Variants in OSBPL9 observed in about 807,000 individuals in gnomAD.
OSBPL9 encodes the protein oxysterol binding protein like 9, also known as oxysterol-binding protein-related protein 9.
Under a neutral mutation model 106.6 loss-of-function variants are expected in OSBPL9, and 40 were observed. The observed-to-expected ratio is 0.38, with a 90% confidence interval of 0.29 to 0.49. The LOEUF (loss-of-function observed/expected upper bound fraction) is 0.49, where lower values mean the gene tolerates loss of function less well. Ranked by LOEUF, OSBPL9 falls within the 20% of genes least tolerant of loss-of-function variation. The probability of loss-of-function intolerance (pLI) is 0.97; values close to 1 mark genes in which losing one functional copy is unlikely to be tolerated. For missense variants in OSBPL9, 609 were observed against 887.2 expected, an observed-to-expected ratio of 0.69 and a Z score of 3.98; for synonymous variants, 269 against 295.4, an observed-to-expected ratio of 0.91 and a Z score of 0.92.
chr1:51,697,717 T>C (rs1656364080), intron 3 of OSBPL9, among the ~76,000 whole-genome samples: 1 of 151,300 alleles, frequency 6.6e-6, no homozygotes. Context: ...CATATTCTTA[T>C]TCAAATGTGT....
intron 1 of OSBPL9, among the ~76,000 whole-genome samples, chr1:51,579,125 A>T (rs1570527109): frequency 6.7e-6 from 1 of 149,808 alleles, no homozygotes; most frequent in Non-Finnish European, 1.5e-5. Flanking sequence ...GTCCAATTTC[A>T]GCTCACTGCA....
In OSBPL9 at chr1:51,785,823, G is replaced by A. The variant is rs1049507119; in HGVS notation, c.1845G>A (p.Lys615=). The A allele has an allele frequency of 6.2e-7, 1 of 1,609,024 alleles. No individual in the cohort carries two copies. Among genetic ancestry groups the A allele is most frequent in the African/African-American group, 1.3e-5 (1 of 74,542 alleles). ...TTCTGTTCAGTTCTCCAAATGACAAGAAGTCTTTTTGCTCAATTGAAGGGG... is the reference window on the plus strand; with the variant it reads ...TTCTGTTCAGTTCTCCAAATGACAAAAAGTCTTTTTGCTCAATTGAAGGGG... ...ITAEIFSPND[K]KSFCSIEGEW... Residue 615 remains lysine, a synonymous_variant, in exon 21 of 24, where the codon AAG becomes AAA. Transcript: ENST00000428468.
intron 8 of OSBPL9, among the ~76,000 whole-genome samples, chr1:51,755,058 C>T (rs1670037727): frequency 6.6e-6 from 1 of 152,108 alleles, no homozygotes; most frequent in Non-Finnish European, 1.5e-5. Context: ...TCTCCGTCCT[C>T]GGCCTTCCAA....
intron 1 of OSBPL9, among the ~76,000 whole-genome samples, chr1:51,621,125 G>A (rs1196294551): frequency 2.6e-5 from 4 of 152,198 alleles, no homozygotes; most frequent in African/African-American, 9.7e-5. Flanking sequence ...GGCCAGTCTT[G>A]TTTTATTAGT....
chr1:51,726,943 A>T (rs1488576136), intron 4 of OSBPL9, among the ~76,000 whole-genome samples: 4 of 152,210 alleles, frequency 2.6e-5, no homozygotes, highest in African/African-American at 9.7e-5. Context: ...CTAACTTTAC[A>T]CTAAGATTAG....
intron 16 of OSBPL9, chr1:51,781,670 A>T: frequency 4.8e-6 from 1 of 209,626 alleles, no homozygotes. Context: ...AAGCATGAAG[A>T]CCATTGTGGA....
At chr1:51,745,225 C>G in intron 4 of OSBPL9, 4 of 241,988 alleles carry the variant, frequency 1.7e-5, no homozygotes, top group Non-Finnish European at 3.2e-5. Flanking sequence ...TACTGTTGTT[C>G]TAGTGGTGAC....
At chr1:51,575,719 C>T (rs1425932213), upstream of OSBPL9, among the ~76,000 whole-genome samples, 3 of 152,030 alleles carry the variant, frequency 2.0e-5, no homozygotes, top group Non-Finnish European at 4.4e-5. Context: ...TCTTCCATAT[C>T]GACTATTTTG....
At chr1:51,583,970 T>C (rs891984317) in intron 1 of OSBPL9, among the ~76,000 whole-genome samples, 1 of 152,008 alleles carries the variant, frequency 6.6e-6, no homozygotes, top group African/African-American at 2.4e-5. Flanking sequence ...CCATTAGCCC[T>C]CCCCCATACC....
At chr1:51,521,816 G>A in the OSBPL9 span, among the ~76,000 whole-genome samples, 32 of 152,138 alleles carry the variant, frequency 2.1e-4, no homozygotes, top group African/African-American at 7.2e-4. Flanking sequence ...GGAGTGCAAC[G>A]GTGCAATCTC....
At chr1:51,622,490 C>T (rs886068700) in intron 1 of OSBPL9, among the ~76,000 whole-genome samples, 2 of 152,162 alleles carry the variant, frequency 1.3e-5, no homozygotes, top group Non-Finnish European at 2.9e-5. Context: ...TTTCGTGGGT[C>T]AGAACTTTGA....
intron 4 of OSBPL9, among the ~76,000 whole-genome samples, chr1:51,716,874 T>A (rs1005443681): frequency 3.3e-5 from 5 of 151,698 alleles, no homozygotes; most frequent in African/African-American, 1.2e-4. Context: ...TTGCTTTTTT[T>A]AAAAAAAAAT....
chr1:51,586,772 A>G (rs1304916110), intron 1 of OSBPL9, among the ~76,000 whole-genome samples: 1 of 152,166 alleles, frequency 6.6e-6, no homozygotes, highest in African/African-American at 2.4e-5. Context: ...GGCTGGTCCC[A>G]GGGCTGTGGT....
intron 2 of OSBPL9, among the ~76,000 whole-genome samples, chr1:51,652,699 G>GTA (rs1485989069): frequency 6.6e-6 from 1 of 152,192 alleles, no homozygotes; most frequent in Non-Finnish European, 1.5e-5. Flanking sequence ...AGGACTAGCT[G>GTA]TACTTCAGAG....
chr1:51,761,150 C>G (rs1671397923), intron 10 of OSBPL9, among the ~76,000 whole-genome samples: 1 of 151,988 alleles, frequency 6.6e-6, no homozygotes, highest in Admixed American at 6.5e-5. Context: ...CTGTGTAGCT[C>G]TGAACAATAC....
chr1:51,636,306 A>C (rs1185257632), intron 1 of OSBPL9, among the ~76,000 whole-genome samples: 2 of 148,356 alleles, frequency 1.3e-5, no homozygotes, highest in Non-Finnish European at 3.0e-5. Context: ...GAATATAGGC[A>C]TTTGCCACCT....
chr1:51,658,750 T>C (rs1646966086), intron 2 of OSBPL9, among the ~76,000 whole-genome samples: 1 of 152,182 alleles, frequency 6.6e-6, no homozygotes, highest in Admixed American at 6.5e-5. Context: ...CCATCACTTT[T>C]TTTTTTCACA....
chr1:51,596,302 C>T (rs941048856), intron 1 of OSBPL9, among the ~76,000 whole-genome samples: 1 of 150,734 alleles, frequency 6.6e-6, no homozygotes, highest in Non-Finnish European at 1.5e-5. Context: ...TGGCTCATGC[C>T]TGTAATCCCA....
At chr1:51,769,567 T>A (rs1673391842) in intron 12 of OSBPL9, among the ~76,000 whole-genome samples, 1 of 152,214 alleles carries the variant, frequency 6.6e-6, no homozygotes, top group South Asian at 2.1e-4. Context: ...CTCGATAAAT[T>A]ATTATTATAA....
Sources: gnomAD v4.1 joint callset for allele counts (sites outside exome capture counted in the v4.1 genomes callset) on GRCh38, gnomAD v4.1.1 for gene constraint, MANE v1.5 for transcripts, NCBI Gene and HGNC (gene_info 2026-07-23, HGNC 2026-07-21) for gene names.